VPS13A: variants seen among roughly 807,000 people sequenced by gnomAD.
VPS13A encodes the protein vacuolar protein sorting 13 homolog A.
A neutral mutation model predicts 390.9 loss-of-function variants in VPS13A; 264 were observed. The observed-to-expected ratio is 0.68, with a 90% CI of 0.61 to 0.75. VPS13A has a LOEUF of 0.75. VPS13A is among the 30% of genes least tolerant of loss of function. The pLI is 0.00. For synonymous variants in VPS13A, 1,231 were observed against 1,227.1 expected, an observed-to-expected ratio of 1.00 and a Z score of -0.07; for missense variants, 3,409 against 3,733.9, an observed-to-expected ratio of 0.91 and a Z score of 2.27.
chr9:77,387,469 C>T (rs1833737769), intron 68 of VPS13A, among the ~76,000 whole-genome samples: 1 of 152,114 alleles, frequency 6.6e-6, no homozygotes, highest in South Asian at 2.1e-4. Flanking sequence ...GGTTCACTTC[C>T]CTGAAGGAGT....
intron 19 of VPS13A, among the ~76,000 whole-genome samples, chr9:77,239,365 C>G (rs977019711): frequency 4.0e-5 from 6 of 151,416 alleles, no homozygotes; most frequent in Non-Finnish European, 8.8e-5. Context: ...GAGCAACACC[C>G]TGCCACACAC....
chr9:77,272,051 A>G (rs1001008050), intron 23 of VPS13A, among the ~76,000 whole-genome samples: 1 of 97,362 alleles, frequency 1.0e-5, no homozygotes, highest in Admixed American at 9.3e-5. Context: ...AATGTGCTTA[A>G]AAAAAATGCT....
At chr9:77,273,843 G>C (rs550405548) in intron 24 of VPS13A, among the ~76,000 whole-genome samples, 1 of 152,148 alleles carries the variant, frequency 6.6e-6, no homozygotes, top group Non-Finnish European at 1.5e-5. Context: ...TTACAAGGTA[G>C]ATTTCTCTTA....
intron 67 of VPS13A, among the ~76,000 whole-genome samples, chr9:77,374,970 C>T (rs1431472042): frequency 6.6e-6 from 1 of 151,964 alleles, no homozygotes; most frequent in African/African-American, 2.4e-5. Context: ...TACTGGTTAC[C>T]ATAATTGGGT....
At chr9:77,252,751 T>G (rs1008312714) in intron 22 of VPS13A, among the ~76,000 whole-genome samples, 7 of 152,218 alleles carry the variant, frequency 4.6e-5, no homozygotes, top group Non-Finnish European at 8.8e-5. Flanking sequence ...AATCAGATTT[T>G]GTGTGCCTGG....
At chr9:77,352,761 TCA>T (rs1279359833) in intron 53 of VPS13A, among the ~76,000 whole-genome samples, 1 of 152,110 alleles carries the variant, frequency 6.6e-6, no homozygotes, top group Non-Finnish European at 1.5e-5. Context: ...TGGTAACAAC[TCA>T]CAGTTTTTAA....
intron 13 of VPS13A, among the ~76,000 whole-genome samples, chr9:77,223,046 A>G (rs1041208980): frequency 6.6e-5 from 10 of 152,070 alleles, no homozygotes; most frequent in African/African-American, 2.2e-4. Flanking sequence ...CTGTCCATAA[A>G]TCTTCCACCG....
At chr9:77,210,728 T>C (rs1343229894) in intron 7 of VPS13A, 53 bp downstream of exon 7, 199 of 1,547,664 alleles carry the variant, frequency 1.3e-4, no homozygotes, top group Non-Finnish European at 1.6e-4. Flanking sequence ...ATATAGTCTA[T>C]TAAACTGCTA....
intron 17 of VPS13A, among the ~76,000 whole-genome samples, chr9:77,236,016 G>A (rs1318634849): frequency 6.6e-6 from 1 of 152,122 alleles, no homozygotes; most frequent in Non-Finnish European, 1.5e-5. Flanking sequence ...TAGGCCTTGT[G>A]TTAGATGATT....
chr9:77,216,777 A>G (rs1822889953), intron 10 of VPS13A, among the ~76,000 whole-genome samples: 1 of 152,208 alleles, frequency 6.6e-6, no homozygotes, highest in Non-Finnish European at 1.5e-5. Flanking sequence ...CTGCAAGCTG[A>G]GGAGCAAGGA....
intron 67 of VPS13A, among the ~76,000 whole-genome samples, chr9:77,374,215 C>T (rs1022721757): frequency 6.6e-6 from 1 of 152,124 alleles, no homozygotes; most frequent in African/African-American, 2.4e-5. Context: ...AAACCTTGGA[C>T]AGTACTTAGC....
At chr9:77,301,192 A>C (rs1275871965) in intron 33 of VPS13A, among the ~76,000 whole-genome samples, 1 of 152,228 alleles carries the variant, frequency 6.6e-6, no homozygotes, top group African/African-American at 2.4e-5. Context: ...ATAGATGAAG[A>C]TATAGATATA....
intron 31 of VPS13A, among the ~76,000 whole-genome samples, chr9:77,288,781 T>C (rs1380600891): frequency 6.6e-6 from 1 of 152,228 alleles, no homozygotes; most frequent in Admixed American, 6.5e-5. Context: ...GTGGATAGAA[T>C]TATTCAGGCT....
intron 46 of VPS13A, 50 bp downstream of exon 46, chr9:77,332,163 T>C (rs200868324): frequency 6.9e-7 from 1 of 1,443,400 alleles, no homozygotes; most frequent in Admixed American, 1.7e-5. Flanking sequence ...TGTAGAATTT[T>C]TAGTTTCTGA....
rs778762993 is a variant in VPS13A, at chr9:77,238,191, A to G, written c.1785A>G (p.Ala595=). Residue 595 remains alanine, a splice_region_variant and synonymous_variant, in exon 18 of 72, where the codon GCA becomes GCG. Transcript: ENST00000360280. ...AACCTTTAGAAATCATATATGATGC[A>G]GTAAGCATTTTTTTAAATTACTAAG... ...EAEPLEIIYD[A]RTVNSIVEFF... 2 of 1,612,710 alleles carry G rather than the reference A, an allele frequency of 1.2e-6. No homozygotes were observed. The highest frequency in any genetic ancestry group is 1.7e-5 in the Admixed American group (1 of 60,008).
chr9:77,282,158 A>C lies in VPS13A; in HGVS notation c.3002A>C (p.Glu1001Ala). 1.2e-6 allele frequency: 2 copies of C among 1,613,562 alleles called. No homozygotes were observed. Among genetic ancestry groups the C allele is most frequent in the Non-Finnish European group, 1.7e-6 (2 of 1,179,706 alleles). ...TCTTTGGATATTCATTTACACACTG[A>C]AGCACTTCTGAATACAATAAATTAT... ...FSSLDIHLHT[E>A]ALLNTINYLH... Residue 1001 changes from glutamate (E) to alanine (A), a missense_variant, in exon 29 of 72, where the codon GAA becomes GCA. Physicochemically the swap from Glu to Ala is moderately radical, Grantham distance 107. This residue lies in a region of VPS13A where 2,717 missense variants were observed against 2,917.4 expected (regional missense o/e 0.93). Coordinates refer to ENST00000360280, the MANE Select transcript of VPS13A (RefSeq NM_033305.3).
intron 1 of VPS13A, among the ~76,000 whole-genome samples, chr9:77,181,476 A>G (rs1381238863): frequency 1.4e-5 from 2 of 143,192 alleles, no homozygotes; most frequent in Non-Finnish European, 3.0e-5. Context: ...AGATCACACC[A>G]TTGCCCTCTA....
chr9:77,206,329 T>TTATA (rs58922469), intron 5 of VPS13A, among the ~76,000 whole-genome samples: 83 of 146,594 alleles, frequency 5.7e-4, no homozygotes, highest in East Asian at 1.0e-3. Flanking sequence ...TACATATTTT[T>TTATA]TATATATATA....
intron 34 of VPS13A, chr9:77,305,765 T>C (rs1198517235): frequency 6.6e-6 from 1 of 152,354 alleles, no homozygotes; most frequent in African/African-American, 2.4e-5. Flanking sequence ...GAGGCTAGAA[T>C]TGGTTGTGAA....
Sources: allele counts gnomAD v4.1 joint callset (sites outside exome capture counted in the v4.1 genomes callset), GRCh38; gene constraint gnomAD v4.1.1; regional missense constraint gnomAD v4.1.1; transcripts MANE v1.5; gene names NCBI Gene and HGNC (gene_info 2026-07-23, HGNC 2026-07-21).